PTPRG: variants seen among roughly 807,000 people sequenced by gnomAD.
The protein encoded by PTPRG is protein tyrosine phosphatase receptor type G, also known as receptor-type tyrosine-protein phosphatase gamma.
A neutral mutation model predicts 165.3 loss-of-function variants in PTPRG; 102 were observed. That is an observed-to-expected ratio of 0.62 (90% CI 0.53 to 0.73). The LOEUF (loss-of-function observed/expected upper bound fraction) is 0.73. Among genes scored for constraint, PTPRG ranks in the 30% least tolerant of loss-of-function variants. PTPRG has a pLI of 0.00. For missense variants in PTPRG, 1,866 were observed against 1,861.4 expected (o/e 1.00, Z -0.05); for synonymous variants, 675 against 669.5 (o/e 1.01, Z -0.13).
intron 2 of PTPRG, among the ~76,000 whole-genome samples, chr3:61,919,614 T>G (rs1167905696): frequency 6.6e-6 from 1 of 152,120 alleles, no homozygotes; most frequent in African/African-American, 2.4e-5. Context: ...ATGGGAATGG[T>G]CCTGAGCGGT....
intron 5 of PTPRG, among the ~76,000 whole-genome samples, chr3:62,086,196 CT>C (rs1318310499): frequency 6.6e-6 from 1 of 151,746 alleles, no homozygotes; most frequent in Non-Finnish European, 1.5e-5. Flanking sequence ...CTAAATTAAT[CT>C]TTTTATTCTT....
intron 8 of PTPRG, among the ~76,000 whole-genome samples, chr3:62,179,275 C>T (rs1174272024): frequency 1.3e-5 from 2 of 152,196 alleles, no homozygotes; most frequent in African/African-American, 2.4e-5. Context: ...TCCTTCTCAG[C>T]ACAGCCAGTG....
intron 15 of PTPRG, among the ~76,000 whole-genome samples, chr3:62,248,637 T>A (rs1447915490): frequency 3.9e-5 from 6 of 152,198 alleles, no homozygotes; most frequent in Non-Finnish European, 8.8e-5. Flanking sequence ...TTTTAGGCTT[T>A]CATTATATAT....
chr3:61,916,663 ATTGC>A (rs760329075), intron 2 of PTPRG, among the ~76,000 whole-genome samples: 1 of 152,140 alleles, frequency 6.6e-6, no homozygotes, highest in Non-Finnish European at 1.5e-5. Flanking sequence ...TATGTTTTTA[ATTGC>A]TTGCATGTGT....
At position 61,887,123 on chromosome 3, in the gene PTPRG, C is replaced by CATATATATATAT. The variant is rs148352398; in HGVS notation, c.191-102465_191-102454dup. Among the ~76,000 whole-genome samples the CATATATATATAT allele has an allele frequency of 3.3e-3, 282 of 85,802 alleles. 19 individuals are homozygous for CATATATATATAT. The highest frequency in any genetic ancestry group is 6.2e-3 in the South Asian group (15 of 2,438). 56.3% of individuals were successfully genotyped at this position (85,802 alleles called of 152,430 possible). ...ATTTTTAAAGTATAACCATAGCATG[C>CATATATATATAT]ATATATATATATATATATATATATA... On this transcript the variant is annotated intron_variant, in intron 2 of 29. Coordinates refer to ENST00000474889, the MANE Select transcript of PTPRG (RefSeq NM_002841.4).
At chr3:62,130,574 A>C (rs1703477282) in intron 5 of PTPRG, among the ~76,000 whole-genome samples, 1 of 152,184 alleles carries the variant, frequency 6.6e-6, no homozygotes, top group Non-Finnish European at 1.5e-5. Context: ...AATCAAAGGG[A>C]CCATCTTTTT....
At chr3:61,944,461 C>T (rs1329302470) in intron 2 of PTPRG, among the ~76,000 whole-genome samples, 1 of 152,160 alleles carries the variant, frequency 6.6e-6, no homozygotes, top group Non-Finnish European at 1.5e-5. Context: ...TCAGAGCTCA[C>T]AGTCAGCTGG....
At chr3:61,997,973 T>TTGGCAAC (rs1392597312) in intron 3 of PTPRG, among the ~76,000 whole-genome samples, 9 of 152,214 alleles carry the variant, frequency 5.9e-5, no homozygotes, top group African/African-American at 2.2e-4. Flanking sequence ...CCTTATACTC[T>TTGGCAAC]TGGCAACGGT....
chr3:61,877,825 T>C (rs2037785440), intron 2 of PTPRG, among the ~76,000 whole-genome samples: 1 of 152,244 alleles, frequency 6.6e-6, no homozygotes, highest in African/African-American at 2.4e-5. Context: ...TTGTGGAATA[T>C]ATTGGGTTAG....
chr3:62,282,104 A>T (rs1046728153), intron 27 of PTPRG, among the ~76,000 whole-genome samples: 2 of 152,058 alleles, frequency 1.3e-5, no homozygotes, highest in Non-Finnish European at 2.9e-5. Flanking sequence ...TTATATTAGT[A>T]ATTTAAAGGA....
At chr3:61,877,412 G>T (rs574079385) in intron 2 of PTPRG, among the ~76,000 whole-genome samples, 2 of 152,272 alleles carry the variant, frequency 1.3e-5, no homozygotes, top group South Asian at 2.1e-4. Flanking sequence ...TTAGGTTACC[G>T]GCAGGGGGTT....
chr3:62,150,554 A>G (rs1007811529), intron 6 of PTPRG, among the ~76,000 whole-genome samples: 1 of 152,134 alleles, frequency 6.6e-6, no homozygotes, highest in African/African-American at 2.4e-5. Flanking sequence ...CTAATGACTT[A>G]ATGCCCAATT....
intron 2 of PTPRG, among the ~76,000 whole-genome samples, chr3:61,861,739 T>G (rs1214386194): frequency 6.6e-6 from 1 of 152,108 alleles, no homozygotes; most frequent in Non-Finnish European, 1.5e-5. Context: ...AATGCAGAGT[T>G]TCTTCAACTG....
At chr3:62,130,888 C>G (rs1576040772) in intron 5 of PTPRG, among the ~76,000 whole-genome samples, 3 of 152,146 alleles carry the variant, frequency 2.0e-5, no homozygotes, top group Non-Finnish European at 2.9e-5. Flanking sequence ...CTTATGCCAA[C>G]TCCCAGAATT....
chr3:61,584,018 A>C (rs1470677067), intron 1 of PTPRG, among the ~76,000 whole-genome samples: 2 of 152,178 alleles, frequency 1.3e-5, no homozygotes, highest in Non-Finnish European at 2.9e-5. Flanking sequence ...ATAATCCTTT[A>C]ATAGTGGTTT....
At chr3:61,691,398 C>T (rs2030206975) in intron 1 of PTPRG, among the ~76,000 whole-genome samples, 1 of 152,120 alleles carries the variant, frequency 6.6e-6, no homozygotes, top group Non-Finnish European at 1.5e-5. Context: ...CAGAGGGAGA[C>T]CCTGTCTCAA....
chr3:62,175,443 A>G (rs953887558), intron 8 of PTPRG, among the ~76,000 whole-genome samples: 1 of 152,172 alleles, frequency 6.6e-6, no homozygotes, highest in Non-Finnish European at 1.5e-5. Flanking sequence ...TAGTAAGCCT[A>G]CGTCTCTTAA....
chr3:61,839,220 T>G (rs2036552803), intron 2 of PTPRG, among the ~76,000 whole-genome samples: 1 of 152,200 alleles, frequency 6.6e-6, no homozygotes, highest in African/African-American at 2.4e-5. Flanking sequence ...AAAGCTTATT[T>G]AATGTGTTAA....
At chr3:61,767,989 A>G (rs955271435) in intron 2 of PTPRG, among the ~76,000 whole-genome samples, 7 of 151,738 alleles carry the variant, frequency 4.6e-5, no homozygotes, top group Non-Finnish European at 7.4e-5. Flanking sequence ...AAAAAAAAAA[A>G]AAAATCTTGG....
Sources: allele counts gnomAD v4.1 joint callset (sites outside exome capture counted in the v4.1 genomes callset), GRCh38; gene constraint gnomAD v4.1.1; transcripts MANE v1.5; gene names NCBI Gene and HGNC (gene_info 2026-07-23, HGNC 2026-07-21).